ZNF662: variants seen among roughly 807,000 people sequenced by gnomAD.
The protein encoded by ZNF662 is zinc finger protein 662.
ZNF662 carries 14 observed loss-of-function variants against 12.4 expected under a neutral mutation model. That is an observed-to-expected ratio of 1.13 (90% CI 0.75 to 1.77). The LOEUF is 1.77. ZNF662 is among the 40% of genes most tolerant of loss of function. The pLI, the probability that ZNF662 is intolerant of heterozygous loss-of-function variation, is 0.00. For missense variants in ZNF662, 550 were observed against 515.6 expected, an observed-to-expected ratio of 1.07 and a Z score of -0.65; for synonymous variants, 184 against 176.4, an observed-to-expected ratio of 1.04 and a Z score of -0.34.
chr3:42,907,088 A>G (rs1313490583), intron 1 of ZNF662, among the ~76,000 whole-genome samples: 4 of 152,232 alleles, frequency 2.6e-5, no homozygotes, highest in South Asian at 2.1e-4. Flanking sequence ...GGGCTCCTCC[A>G]CAGTGTGGAG....
Position 42,914,989 on chromosome 3 carries a change from T to C in ZNF662, c.916T>C (p.Cys306Arg), listed in dbSNP as rs2088881522. The C allele has an allele frequency of 6.2e-7, 1 of 1,614,140 alleles. No individual in the cohort carries two copies. Among genetic ancestry groups the C allele is most frequent in the Non-Finnish European group, 8.5e-7 (1 of 1,180,024 alleles). ...CCACACTGGTGAGAAACCATACACA[T>C]GTAAGGAATGTGGGAAAAGCTTTAC... is the stretch of plus-strand genomic sequence containing the variant. ...RIHTGEKPYTCKECGKSFTRN... is the reference protein window; with the variant it reads ...RIHTGEKPYTRKECGKSFTRN... Residue 306 changes from cysteine (C) to arginine (R), a missense_variant, in exon 5 of 5, where the codon TGT (cysteine) becomes CGT (arginine). Cys to Arg is a radical substitution (Grantham distance 180, BLOSUM62 -3). Coordinates refer to ENST00000440367, the MANE Select transcript of ZNF662 (RefSeq NM_207404.4).
Position 42,915,050 on chromosome 3 carries a change from A to C in ZNF662, c.977A>C (p.His326Pro), listed in dbSNP as rs2088882728. ...NPALLRHQRM[H>P]TGEKPYECKD... ...GCCCTTCTTCGACATCAGAGAATGC[A>C]CACTGGGGAGAAGCCTTACGAATGT... is the stretch of plus-strand genomic sequence containing the variant. The change falls in exon 5 of 5, where the codon CAC (histidine) becomes CCC (proline). Residue 326 changes from histidine to proline, a missense_variant. Coordinates refer to ENST00000440367, the MANE Select transcript of ZNF662 (RefSeq NM_207404.4). 6.2e-7 allele frequency: 1 copy of C among 1,614,006 alleles called. No homozygotes were observed. Among genetic ancestry groups the C allele is most frequent in the South Asian group, 1.1e-5 (1 of 91,078 alleles).
intron 2 of ZNF662, 69 bp from the exon 3 acceptor site, chr3:42,908,724 C>T (rs1213589060): frequency 6.7e-5 from 104 of 1,550,520 alleles, no homozygotes; most frequent in Non-Finnish European, 5.9e-5. Flanking sequence ...AGACACTGGC[C>T]TGGGAGGAGC....
At position 42,915,053 on chromosome 3, in the gene ZNF662, C is replaced by A. The variant is rs1264863574; in HGVS notation, c.980C>A (p.Thr327Asn). ...PALLRHQRMH[T>N]GEKPYECKDC... ...CTTCTTCGACATCAGAGAATGCACA[C>A]TGGGGAGAAGCCTTACGAATGTAAG... is the stretch of plus-strand genomic sequence containing the variant. The change falls in exon 5 of 5, where the codon ACT (threonine) becomes AAT (asparagine). Residue 327 changes from threonine to asparagine, a missense_variant. By Grantham distance (65) the Thr-to-Asn change is moderately conservative. Coordinates refer to ENST00000440367, the MANE Select transcript of ZNF662 (RefSeq NM_207404.4). The A allele has an allele frequency of 6.2e-7, 1 of 1,613,944 alleles. No homozygotes were observed. Among genetic ancestry groups the A allele is most frequent in the Admixed American group, 1.7e-5 (1 of 60,014 alleles).
chr3:42,911,838 T>TAG (rs1397098281), intron 3 of ZNF662, among the ~76,000 whole-genome samples: 2 of 152,188 alleles, frequency 1.3e-5, no homozygotes, highest in East Asian at 3.9e-4. Context: ...ATGGATGCCA[T>TAG]AGAGAGACCC....
Position 42,916,613 on chromosome 3 carries a change from C to T in ZNF662, c.*1259C>T, listed in dbSNP as rs2088899048. 1 of 152,152 alleles carries T rather than the reference C, an allele frequency of 6.6e-6. No individual in the cohort carries two copies. Among genetic ancestry groups the T allele is most frequent in the African/African-American group, 2.4e-5 (1 of 41,412 alleles). 9.4% of individuals were successfully genotyped at this position (152,152 alleles called of 1,614,324 possible). On this transcript the variant is annotated 3_prime_UTR_variant, in exon 5 of 5. Coordinates refer to ENST00000440367, the MANE Select transcript of ZNF662 (RefSeq NM_207404.4). ...TCTCCTGACCTTGTGATCCACCTGT[C>T]TCGGCCTCCCAAAGTGCTGGGATTA... is the stretch of plus-strand genomic sequence containing the variant.
At position 42,906,311 on chromosome 3, in the gene ZNF662, G is replaced by T. The variant is rs892329874; in HGVS notation, c.-94+143G>T. ...CCGCGACCCCAACAGCCTCTGGTCC[G>T]GTCTGGCGCGCCCTCGCTTTCCCAG... On this transcript the variant is annotated intron_variant, in intron 1 of 4. Coordinates refer to ENST00000440367, the MANE Select transcript of ZNF662 (RefSeq NM_207404.4). The surrounding 1 kb of genome is among the most constrained non-coding windows in gnomAD (Gnocchi z 4.4). 28 of 1,521,652 alleles carry T rather than the reference G, an allele frequency of 1.8e-5. No individual in the cohort carries two copies. In the African/African-American group the frequency reaches 3.4e-4, roughly 18 times the overall value. The allele number at this position is 1,521,652 out of a possible 1,614,324, so 94.3% of individuals were successfully genotyped here. A position where few individuals can be genotyped will look rare whatever the true frequency, so the allele number is the denominator to read the frequency against.
chr3:42,910,108 C>T (rs1023704561), intron 3 of ZNF662, among the ~76,000 whole-genome samples: 3 of 152,150 alleles, frequency 2.0e-5, no homozygotes, highest in Non-Finnish European at 4.4e-5. Flanking sequence ...CCTGGCACCT[C>T]GGGAGGCCAA....
intron 2 of ZNF662, chr3:42,908,571 A>G (rs2088717699): frequency 7.3e-7 from 1 of 1,373,002 alleles, no homozygotes; most frequent in South Asian, 1.8e-5. Context: ...GAAATCATCC[A>G]TTTGCTGACT....
At chr3:42,909,003 A>AC in intron 3 of ZNF662, 94 bp downstream of exon 3, 25 of 780,650 alleles carry the variant, frequency 3.2e-5, no homozygotes, top group Non-Finnish European at 5.1e-5. Context: ...CTAGTGTTGT[A>AC]GACACTAGTG....
In ZNF662 at chr3:42,906,991, A is replaced by C. The variant is rs2088692046; in HGVS notation, c.-94+823A>C. 6.6e-6 allele frequency among the ~76,000 whole-genome samples: 1 copy of C among 152,210 alleles called. No homozygotes were observed. The highest frequency in any genetic ancestry group is 2.1e-4 in the South Asian group (1 of 4,830). On this transcript the variant is annotated intron_variant, in intron 1 of 4. Transcript: ENST00000440367. The surrounding 1 kb of genome is among the most constrained non-coding windows in gnomAD (Gnocchi z 4.4). Reference sequence around the variant, plus strand: ...TCTATTAGGCAGACAAAGTTGAGCCAGCCAAAGCCTTGGAGCCCTGGAGTG... The same window carrying C: ...TCTATTAGGCAGACAAAGTTGAGCCCGCCAAAGCCTTGGAGCCCTGGAGTG...
rs1186617194 is a variant in ZNF662 at position 42,908,025 on chromosome 3, T to G, written c.-90T>G. 6.2e-7 allele frequency: 1 copy of G among 1,614,054 alleles called. No individual in the cohort carries two copies. Among genetic ancestry groups the G allele is most frequent in the East Asian group, 2.2e-5 (1 of 44,870 alleles). On this transcript the variant is annotated 5_prime_UTR_variant, in exon 2 of 5. Coordinates refer to ENST00000440367, the MANE Select transcript of ZNF662 (RefSeq NM_207404.4). ...ATTTAAACACATGTTGTTTCAGGAG[T>G]CAGTGACCTTCGAGGATGTGGCCGT...
rs1373417223 is a variant in ZNF662, at chr3:42,918,669, T to C, written c.*3315T>C. Among the ~76,000 whole-genome samples the C allele has an allele frequency of 6.6e-6, 1 of 152,136 alleles. No individual in the cohort carries two copies. Among genetic ancestry groups the C allele is most frequent in the Non-Finnish European group, 1.5e-5 (1 of 68,018 alleles). Reference sequence around the variant, plus strand: ...GGATAAGGATAAGGGTAGTGATCGATCTTAACTGGTTCCTGCTGATGGGGG... The same window carrying C: ...GGATAAGGATAAGGGTAGTGATCGACCTTAACTGGTTCCTGCTGATGGGGG... On this transcript the variant is annotated 3_prime_UTR_variant, in exon 5 of 5. Transcript: ENST00000440367.
chr3:42,909,564 C>G (rs1188656179), intron 3 of ZNF662, among the ~76,000 whole-genome samples: 2 of 152,236 alleles, frequency 1.3e-5, no homozygotes, highest in Admixed American at 1.3e-4. Context: ...GGCCCGTTCT[C>G]AATGAGCTGT....
At chr3:42,913,135 G>T in intron 3 of ZNF662, 66 bp from the exon 4 acceptor site, 1 of 1,153,386 alleles carries the variant, frequency 8.7e-7, no homozygotes, top group Non-Finnish European at 1.3e-6. Flanking sequence ...TTCCATGTCT[G>T]CTCTTTTCCT....
At chr3:42,912,486 AATATATATT>A (rs2088815810) in intron 3 of ZNF662, among the ~76,000 whole-genome samples, 1 of 35,162 alleles carries the variant, frequency 2.8e-5, no homozygotes. Flanking sequence ...TTATATATTT[AATATATATT>A]TATATATTAT....
chr3:42,908,598 C>T, intron 2 of ZNF662, 195 bp from the exon 3 acceptor site: 5 of 1,427,728 alleles, frequency 3.5e-6, no homozygotes, highest in East Asian at 2.5e-5. Context: ...GTTACTGAGT[C>T]GTCTGTCAAC....
In ZNF662 at chr3:42,918,774, A is replaced by G. The variant is rs2088921116; in HGVS notation, c.*3420A>G. ...CCTGGTAAAAGGTGGCCATCATTTG[A>G]GGTTCCAATTGCATGAACATTCAGA... On this transcript the variant is annotated 3_prime_UTR_variant, in exon 5 of 5. Coordinates refer to ENST00000440367, the MANE Select transcript of ZNF662 (RefSeq NM_207404.4). Among the ~76,000 whole-genome samples the G allele has an allele frequency of 6.6e-6, 1 of 152,178 alleles. No individual in the cohort carries two copies. Among genetic ancestry groups the G allele is most frequent in the Non-Finnish European group, 1.5e-5 (1 of 68,036 alleles).
Position 42,915,328 on chromosome 3 carries a change from C to G in ZNF662, c.1255C>G (p.Gln419Glu), listed in dbSNP as rs2088886808. 6.3e-7 allele frequency: 1 copy of G among 1,584,264 alleles called. No homozygotes were observed. Among genetic ancestry groups the G allele is most frequent in the African/African-American group, 1.4e-5 (1 of 73,606 alleles). The change falls in exon 5 of 5, where the codon CAG becomes GAG. Residue 419 changes from glutamine to glutamate, a missense_variant. Physicochemically the swap from Gln to Glu is conservative, Grantham distance 29. Coordinates refer to ENST00000440367, the MANE Select transcript of ZNF662 (RefSeq NM_207404.4). ...RHARDKPYNC[Q>E]ISHLLEH ...TGCTAGAGACAAACCCTATAACTGT[C>G]AGATCTCTCACCTTCTTGAACATTA...
Sources: allele counts gnomAD v4.1 joint callset (sites outside exome capture counted in the v4.1 genomes callset), GRCh38; gene constraint gnomAD v4.1.1; non-coding constraint Gnocchi (gnomAD v3.1); transcripts MANE v1.5; gene names NCBI Gene and HGNC (gene_info 2026-07-23, HGNC 2026-07-21).